CLEC7A: variants seen among roughly 807,000 people sequenced by gnomAD.
CLEC7A encodes C-type lectin domain containing 7A, also known as C-type lectin domain family 7 member A.
CLEC7A carries 25 observed loss-of-function variants against 26.9 expected under a neutral mutation model. The observed-to-expected ratio is 0.93, with a 90% confidence interval of 0.68 to 1.30. The LOEUF is 1.30. Ranked by LOEUF, CLEC7A falls within the 50% of genes most tolerant of loss-of-function variation. The probability of loss-of-function intolerance (pLI) is 0.00; values close to 1 mark genes in which losing one functional copy is unlikely to be tolerated. For missense variants in CLEC7A, 275 were observed against 286.7 expected, an observed-to-expected ratio of 0.96 and a Z score of 0.29; for synonymous variants, 100 against 99.5, an observed-to-expected ratio of 1.01 and a Z score of -0.03.
Position 10,128,266 on chromosome 12 carries a change from A to C in CLEC7A, c.104-421T>G, listed in dbSNP as rs554986559. On this transcript the variant is annotated intron_variant, in intron 1 of 5. Transcript: ENST00000304084. The stretch of plus-strand genomic sequence containing the variant: ...CACACACCACCAACAACAACAACAA[A>C]AAATACTGGCAAATTTTTAAGTGAA... 4.0e-5 allele frequency among the ~76,000 whole-genome samples: 6 copies of C among 151,184 alleles called. No individual in the cohort carries two copies. In the East Asian group the frequency reaches 1.2e-3, roughly 29 times the overall value.
chr12:10,117,112 T>G lies in CLEC7A; in HGVS notation c.*1346A>C, dbSNP rs902482405. The G allele has an allele frequency of 1.3e-5, 2 of 152,234 alleles. No homozygotes were observed. The highest frequency in any genetic ancestry group is 4.8e-5 in the African/African-American group (2 of 41,464). The allele number at this position is 152,234 out of a possible 1,614,324, so 9.4% of individuals were successfully genotyped here. ...AAAACATATTCCAAAATGTTAATAC[T>G]TGTTCCAATGAGGTTGGTTACTTTT... On this transcript the variant is annotated 3_prime_UTR_variant, in exon 6 of 6. Transcript: ENST00000304084.
chr12:10,122,484 C>CTTTTTTTTTTTTTTTTTTT (rs143612827), intron 5 of CLEC7A, among the ~76,000 whole-genome samples: 8 of 128,844 alleles, frequency 6.2e-5, no homozygotes, highest in African/African-American at 2.2e-4. Flanking sequence ...TTCTTTTTTT[C>CTTTTTTTTTTTTTTTTTTT]TTTTTTTTTT....
At chr12:10,126,153 T>C (rs1354592382) in intron 3 of CLEC7A, 1 of 982,448 alleles carries the variant, frequency 1.0e-6, no homozygotes, top group Non-Finnish European at 1.2e-6. Context: ...GGCAACATTT[T>C]CCCTTCTTTC....
At position 10,117,499 on chromosome 12, in the gene CLEC7A, C is replaced by T. The variant is rs1241010708; in HGVS notation, c.*959G>A. The stretch of plus-strand genomic sequence containing the variant: ...GAGCCGAGATCGTGCCGTTGCACTC[C>T]AGCCTGGGCAACAAGAGCGAAACTC... On this transcript the variant is annotated 3_prime_UTR_variant, in exon 6 of 6. Transcript: ENST00000304084. The T allele has an allele frequency of 2.9e-5, 4 of 137,432 alleles. No homozygotes were observed. The highest frequency in any genetic ancestry group is 6.0e-5 in the Non-Finnish European group (4 of 66,536). The allele number at this position is 137,432 out of a possible 1,614,324, so 8.5% of individuals were successfully genotyped here. A position where few individuals can be genotyped will look rare whatever the true frequency, so the allele number is the denominator to read the frequency against.
At position 10,127,798 on chromosome 12, in the gene CLEC7A, C is replaced by A. The variant is rs1251483080; in HGVS notation, c.151G>T (p.Gly51Ter). The A allele has an allele frequency of 1.9e-6, 3 of 1,585,278 alleles. No individual in the cohort carries two copies. Among genetic ancestry groups the A allele is most frequent in the Non-Finnish European group, 2.6e-6 (3 of 1,164,820 alleles). ...ACCAGTATTACCAAGCATAGGATTC[C>A]CAAAATTACAGCAATGAGGCGCCAA... is the stretch of plus-strand genomic sequence containing the variant. ...PPWRLIAVIL[G>*]ILCLVILVIA... is the part of the protein sequence containing the mutation. Residue 51 changes from glycine to a stop codon, truncating the protein, a stop_gained, in exon 2 of 6, where the codon GGA becomes TGA. Transcript: ENST00000304084. LOFTEE classifies it high-confidence loss of function.
chr12:10,119,528 G>A (rs569715028), intron 5 of CLEC7A, among the ~76,000 whole-genome samples: 1 of 152,256 alleles, frequency 6.6e-6, no homozygotes, highest in Admixed American at 6.5e-5. Context: ...TATAGAAAGA[G>A]TCCTCTAGTC....
chr12:10,126,862 G>A (rs906220378), intron 2 of CLEC7A, 154 bp from the exon 3 acceptor site: 17 of 646,360 alleles, frequency 2.6e-5, no homozygotes, highest in Middle Eastern at 4.1e-4. Context: ...AGATAAAGAC[G>A]ATTGATAGAA....
chr12:10,125,311 T>C lies in CLEC7A; in HGVS notation c.478A>G (p.Ser160Gly), dbSNP rs1265599807. 2 of 1,613,742 alleles carry C rather than the reference T, an allele frequency of 1.2e-6. No homozygotes were observed. The highest frequency in any genetic ancestry group is 1.7e-6 in the Non-Finnish European group (2 of 1,179,884). The change falls in exon 4 of 6, where the codon AGC becomes GGC. Residue 160 changes from serine to glycine, a missense_variant. Physicochemically the swap from Ser to Gly is moderately conservative, Grantham distance 56. Transcript: ENST00000304084. ...QLGSNLLKID[S>G]SNELGFIVKQ... ...TCTACACTTACCAATTCATTTGAGC[T>C]GTCTATCTTTAGGAGATTAGAGCCC...
At chr12:10,126,475 G>T in intron 3 of CLEC7A, 96 bp downstream of exon 3, 3 of 1,462,124 alleles carry the variant, frequency 2.1e-6, no homozygotes, top group East Asian at 2.4e-5. Context: ...TACAATCATT[G>T]AATCTAAGTG....
Position 10,118,305 on chromosome 12 carries a change from C to A in CLEC7A, c.*153G>T. Reference sequence around the variant, plus strand: ...GGTCGACAAATACAGAAATCACAGCCTCTCCCTTCAATTTCTTGGTTAAGA... The same window carrying A: ...GGTCGACAAATACAGAAATCACAGCATCTCCCTTCAATTTCTTGGTTAAGA... On this transcript the variant is annotated 3_prime_UTR_variant, in exon 6 of 6. Coordinates refer to ENST00000304084, the MANE Select transcript of CLEC7A (RefSeq NM_197947.3). 1 of 655,714 alleles carries A rather than the reference C, an allele frequency of 1.5e-6. No homozygotes were observed. The highest frequency in any genetic ancestry group is 2.5e-6 in the Non-Finnish European group (1 of 395,464). The allele number at this position is 655,714 out of a possible 1,614,324, so 40.6% of individuals were successfully genotyped here.
At chr12:10,119,287 T>G (rs1345895477) in intron 5 of CLEC7A, among the ~76,000 whole-genome samples, 1 of 152,206 alleles carries the variant, frequency 6.6e-6, no homozygotes, top group African/African-American at 2.4e-5. Context: ...TCTCTCCCTC[T>G]TGACCCTGAG....
chr12:10,118,704 A>G lies in CLEC7A; in HGVS notation c.612-114T>C, dbSNP rs140133596. 4.2e-4 allele frequency: 366 copies of G among 874,552 alleles called. No individual in the cohort carries two copies. In the African/African-American group the frequency reaches 4.6e-3, roughly 11 times the overall value. 54.2% of individuals were successfully genotyped at this position (874,552 alleles called of 1,614,324 possible). A position where few individuals can be genotyped will look rare whatever the true frequency, so the allele number is the denominator to read the frequency against. Reference sequence around the variant, plus strand: ...GTGAAAAGAGTTCTGAAGTGTTTCTATTATTGGAAAAGGAGGCTTAAATCT... The same window carrying G: ...GTGAAAAGAGTTCTGAAGTGTTTCTGTTATTGGAAAAGGAGGCTTAAATCT... On this transcript the variant is annotated intron_variant, in intron 5 of 5. Transcript: ENST00000304084.
intron 3 of CLEC7A, among the ~76,000 whole-genome samples, chr12:10,125,727 C>T (rs935020249): frequency 1.3e-5 from 2 of 152,152 alleles, no homozygotes; most frequent in African/African-American, 4.8e-5. Flanking sequence ...TCTAATTCAG[C>T]TCAAAACTAC....
At chr12:10,127,631 C>T in intron 2 of CLEC7A, 116 bp downstream of exon 2, 1 of 948,658 alleles carries the variant, frequency 1.1e-6, no homozygotes, top group Non-Finnish European at 1.7e-6. Context: ...ACAGATAAAA[C>T]CAGATTATAT....
intron 5 of CLEC7A, among the ~76,000 whole-genome samples, chr12:10,121,711 T>A (rs76504158): frequency 6.6e-6 from 1 of 152,188 alleles, no homozygotes; most frequent in East Asian, 1.9e-4. Flanking sequence ...ATACTTGAGA[T>A]AAAGGAAGGC....
intron 1 of CLEC7A, 35 bp downstream of exon 1, chr12:10,129,945 G>A (rs376048940): frequency 5.6e-6 from 7 of 1,239,292 alleles, no homozygotes; most frequent in Non-Finnish European, 8.3e-6. Context: ...AAACGGGAGA[G>A]CTAAAGGCAC....
rs1947970443 is a variant in CLEC7A at position 10,118,318 on chromosome 12, T to G, written c.*140A>C. On this transcript the variant is annotated 3_prime_UTR_variant, in exon 6 of 6. Coordinates refer to ENST00000304084, the MANE Select transcript of CLEC7A (RefSeq NM_197947.3). ...AGAAATCACAGCCTCTCCCTTCAATTTCTTGGTTAAGATTACAGTTGGCCA... is the reference window on the plus strand; with the variant it reads ...AGAAATCACAGCCTCTCCCTTCAATGTCTTGGTTAAGATTACAGTTGGCCA... 1 of 745,172 alleles carries G rather than the reference T, an allele frequency of 1.3e-6. No individual in the cohort carries two copies. The highest frequency in any genetic ancestry group is 1.9e-5 in the South Asian group (1 of 52,246). The allele number at this position is 745,172 out of a possible 1,614,324, so 46.2% of individuals were successfully genotyped here.
At chr12:10,127,080 T>C in intron 2 of CLEC7A, 1 of 1,384,898 alleles carries the variant, frequency 7.2e-7, no homozygotes, top group South Asian at 1.2e-5. Context: ...CTTGAGAAAC[T>C]GCCCAGTACC....
chr12:10,127,092 A>G, intron 2 of CLEC7A: 1 of 1,354,684 alleles, frequency 7.4e-7, no homozygotes, highest in Non-Finnish European at 9.8e-7. Flanking sequence ...CCCAGTACCT[A>G]TAACATAGAA....
Sources: gnomAD v4.1 joint callset for allele counts (sites outside exome capture counted in the v4.1 genomes callset) on GRCh38, gnomAD v4.1.1 for gene constraint, MANE v1.5 for transcripts, NCBI Gene and HGNC (gene_info 2026-07-23, HGNC 2026-07-21) for gene names.